The following KNL1 variants were observed in gnomAD, a reference collection of about 807,000 sequenced individuals.
The protein encoded by KNL1 is kinetochore scaffold 1.
In KNL1, 66 loss-of-function variants were observed where a neutral mutation model predicts 201.3. The observed-to-expected ratio is 0.33, with a 90% CI of 0.27 to 0.40. The LOEUF (loss-of-function observed/expected upper bound fraction) is 0.40, where lower values mean the gene tolerates loss of function less well. Among genes scored for constraint, KNL1 ranks in the 10% least tolerant of loss-of-function variants. The probability of loss-of-function intolerance (pLI) is 1.00; values close to 1 mark genes in which losing one functional copy is unlikely to be tolerated. For synonymous variants in KNL1, 895 were observed against 899.2 expected, an observed-to-expected ratio of 1.00 and a Z score of 0.08; for missense variants, 2,815 against 2,690.5, an observed-to-expected ratio of 1.05 and a Z score of -1.02.
chr15:40,641,671 C>T (rs1361013205), intron 14 of KNL1, among the ~76,000 whole-genome samples: 1 of 152,152 alleles, frequency 6.6e-6, no homozygotes, highest in Admixed American at 6.5e-5. Flanking sequence ...ATGAATTTCA[C>T]GTTTAGGCTT....
chr15:40,623,302 G>A lies in KNL1; in HGVS notation c.3038G>A (p.Ser1013Asn). 1.2e-6 allele frequency: 2 copies of A among 1,613,866 alleles called. No homozygotes were observed. Among genetic ancestry groups the A allele is most frequent in the Middle Eastern group, 1.6e-4 (1 of 6,062 alleles). The change falls in exon 10 of 26, where the codon AGC becomes AAC. Residue 1013 changes from serine (S) to asparagine (N), a missense_variant. Around this residue, in one of 3 missense-constraint regions of KNL1, gnomAD observed 2,464 missense variants for 2,291.7 expected, o/e 1.08. Transcript: ENST00000399668. Reference protein sequence around the residue: ...GESDRLVANDSQLTPLEEWSN... With the variant: ...GESDRLVANDNQLTPLEEWSN... ...AGTGACCGTCTAGTAGCAAATGACA[G>A]CCAGCTAACCCCTCTGGAGGAATGG...
intron 17 of KNL1, among the ~76,000 whole-genome samples, chr15:40,648,262 A>G (rs1180649805): frequency 6.6e-6 from 1 of 152,050 alleles, no homozygotes; most frequent in Non-Finnish European, 1.5e-5. Flanking sequence ...GTGAGGCACT[A>G]TCTCTACAAA....
chr15:40,602,736 C>T (rs1419366092), intron 1 of KNL1, among the ~76,000 whole-genome samples, 179 bp from the exon 2 acceptor site: 1 of 152,014 alleles, frequency 6.6e-6, no homozygotes, highest in Non-Finnish European at 1.5e-5. Context: ...CTGCCTGCCT[C>T]GGCCTCCCAA....
At chr15:40,653,242 G>A (rs1163149643) in intron 21 of KNL1, among the ~76,000 whole-genome samples, 1 of 151,942 alleles carries the variant, frequency 6.6e-6, no homozygotes, top group African/African-American at 2.4e-5. Context: ...AGGCTGAAGT[G>A]CAGTAGTGCA....
intron 17 of KNL1, among the ~76,000 whole-genome samples, chr15:40,647,771 A>G (rs1462560475): frequency 6.6e-6 from 1 of 152,188 alleles, no homozygotes; most frequent in Non-Finnish European, 1.5e-5. Flanking sequence ...CTCTTTCAGC[A>G]TTTGACACTG....
rs1332683853 is a variant in KNL1 at position 40,622,868 on chromosome 15, TA to T, written c.2606del (p.Lys869ArgfsTer12). Reference sequence around the variant, plus strand: ...AGACTATTGTATTTTCAGAAGACGATAAGAATGATATGGATATCACTAAGAG... The same window carrying T: ...AGACTATTGTATTTTCAGAAGACGATAGAATGATATGGATATCACTAAGAG... ...DKTIVFSEDD[K>X]NDMDITKSYT... On this transcript the variant is annotated frameshift_variant, in exon 10 of 26. Transcript: ENST00000399668. LOFTEE classifies it high-confidence loss of function. The T allele has an allele frequency of 6.2e-7, 1 of 1,613,328 alleles. No homozygotes were observed. The highest frequency in any genetic ancestry group is 1.7e-5 in the Admixed American group (1 of 59,956).
At position 40,622,358 on chromosome 15, in the gene KNL1, C is replaced by G. The variant is rs763785280; in HGVS notation, c.2094C>G (p.Thr698=). ...CATGGGAACAATCTTTGTTTTCTAC[C>G]ACAAAGCCATTATTTTCATCAGGAC... ...TVSWEQSLFS[T]TKPLFSSGQF... Residue 698 remains threonine, a synonymous_variant, in exon 10 of 26, where the codon ACC becomes ACG. Coordinates refer to ENST00000399668, the MANE Select transcript of KNL1 (RefSeq NM_144508.5). The G allele has an allele frequency of 6.2e-7, 1 of 1,613,696 alleles. No individual in the cohort carries two copies. The highest frequency in any genetic ancestry group is 2.2e-5 in the East Asian group (1 of 44,854).
rs368257573 is a variant in KNL1 at position 40,601,827 on chromosome 15, C to CAA, written c.-17-1074_-17-1073dup. On this transcript the variant is annotated intron_variant, in intron 1 of 25. Transcript: ENST00000399668. ...TGGGCGACAGAGCCAGACTCCGTCT[C>CAA]AAAAAAAAAAAAAAATTCCTTAAAA... 4.6e-3 allele frequency among the ~76,000 whole-genome samples: 301 copies of CAA among 64,794 alleles called. 2 individuals carry two copies. The highest frequency in any genetic ancestry group is 8.3e-3 in the East Asian group (14 of 1,684). The allele number at this position is 64,794 out of a possible 152,430, so 42.5% of individuals were successfully genotyped here.
intron 24 of KNL1, 63 bp from the exon 25 acceptor site, chr15:40,659,276 A>G (rs1893832370): frequency 6.6e-7 from 1 of 1,510,038 alleles, no homozygotes; most frequent in Non-Finnish European, 9.0e-7. Flanking sequence ...AAAAAAAAAA[A>G]AAGAAATTGT....
chr15:40,603,808 C>A (rs1891887301), intron 2 of KNL1, among the ~76,000 whole-genome samples: 1 of 152,184 alleles, frequency 6.6e-6, no homozygotes, highest in Non-Finnish European at 1.5e-5. Context: ...AGTAGCAGCT[C>A]AGAGGCAGTT....
Position 40,652,891 on chromosome 15 carries a change from G to A in KNL1, c.6415+786G>A, listed in dbSNP as rs1476771574. Among the ~76,000 whole-genome samples the A allele has an allele frequency of 2.0e-5, 3 of 152,094 alleles. No homozygotes were observed. The East Asian group carries it at 5.8e-4, about 29-fold the overall frequency. ...AATCACTATATGGTAACTGGACAGA[G>A]GCCCAGCTGTTTTGTTGGAGTTTAC... On this transcript the variant is annotated intron_variant, in intron 21 of 25. Coordinates refer to ENST00000399668, the MANE Select transcript of KNL1 (RefSeq NM_144508.5).
At chr15:40,630,439 A>G (rs1210011830) in intron 13 of KNL1, among the ~76,000 whole-genome samples, 1 of 152,244 alleles carries the variant, frequency 6.6e-6, no homozygotes, top group Non-Finnish European at 1.5e-5. Context: ...AAGAAACACA[A>G]TATCTTGTAG....
rs375431429 is a variant in KNL1, at chr15:40,625,109, T to C, written c.4845T>C (p.Ala1615=). ...ATATTAACATAATCTCCAGCAATGC[T>C]AAAGATAGTAGAGATGAGGAAAATA... ...IHNINIISSN[A]KDSRDEENKK... Residue 1615 remains alanine, a synonymous_variant, in exon 10 of 26, where the codon GCT becomes GCC. Coordinates refer to ENST00000399668, the MANE Select transcript of KNL1 (RefSeq NM_144508.5). The C allele has an allele frequency of 4.3e-6, 7 of 1,613,866 alleles. No homozygotes were observed. In the African/African-American group the frequency reaches 8.0e-5, roughly 18 times the overall value.
In KNL1 at chr15:40,623,265, G is replaced by A; in HGVS notation, c.3001G>A (p.Gly1001Arg). 6.2e-7 allele frequency: 1 copy of A among 1,613,844 alleles called. No homozygotes were observed. The highest frequency in any genetic ancestry group is 8.5e-7 in the Non-Finnish European group (1 of 1,179,852). ...TACTGAGGAGAGTGTTTTCTTTCCA[G>A]GAAATGGTGAAAGTGACCGTCTAGT... ...TPTEESVFFP[G>R]NGESDRLVAN... The change falls in exon 10 of 26, where the codon GGA (glycine) becomes AGA (arginine). Residue 1001 changes from glycine to arginine, a missense_variant. Transcript: ENST00000399668.
chr15:40,618,537 AAGT>A (rs1555420042), intron 8 of KNL1, among the ~76,000 whole-genome samples: 1 of 152,110 alleles, frequency 6.6e-6, no homozygotes, highest in Non-Finnish European at 1.5e-5. Context: ...TAATAATAAT[AAGT>A]AGTAGTCCAA....
intron 14 of KNL1, among the ~76,000 whole-genome samples, chr15:40,642,547 A>C (rs1209421088): frequency 6.6e-6 from 1 of 152,226 alleles, no homozygotes; most frequent in African/African-American, 2.4e-5. Flanking sequence ...TCGCTGAACA[A>C]AACTGGCAAA....
In KNL1 at chr15:40,624,481, A is replaced by G. The variant is rs1233030050; in HGVS notation, c.4217A>G (p.Tyr1406Cys). Reference protein sequence around the residue: ...RNLLANQTLVYSQDLGEMTKL... With the variant: ...RNLLANQTLVCSQDLGEMTKL... ...CTATTGGCTAATCAAACTTTAGTATATAGTCAAGATCTGGGGGAGATGACT... is the reference window on the plus strand; with the variant it reads ...CTATTGGCTAATCAAACTTTAGTATGTAGTCAAGATCTGGGGGAGATGACT... The change falls in exon 10 of 26, where the codon TAT becomes TGT. Residue 1406 changes from tyrosine to cysteine, a missense_variant. Physicochemically the swap from Tyr to Cys is radical, Grantham distance 194. Transcript: ENST00000399668. 1 of 1,613,684 alleles carries G rather than the reference A, an allele frequency of 6.2e-7. No individual in the cohort carries two copies. The highest frequency in any genetic ancestry group is 1.3e-5 in the African/African-American group (1 of 74,938).
At chr15:40,595,592 A>C (rs185992018) in intron 1 of KNL1, among the ~76,000 whole-genome samples, 1 of 152,302 alleles carries the variant, frequency 6.6e-6, no homozygotes, top group Admixed American at 6.5e-5. Context: ...GTTCGATGTT[A>C]AATAATAGAC....
At chr15:40,618,162 A>C (rs1892405426) in intron 8 of KNL1, among the ~76,000 whole-genome samples, 2 of 151,862 alleles carry the variant, frequency 1.3e-5, no homozygotes, top group Non-Finnish European at 2.9e-5. Context: ...TTATTTACAA[A>C]GTCTGATTTG....
Sources: gnomAD v4.1 joint callset for allele counts (sites outside exome capture counted in the v4.1 genomes callset) on GRCh38, gnomAD v4.1.1 for gene constraint, gnomAD v4.1.1 regional missense constraint, MANE v1.5 for transcripts, NCBI Gene and HGNC (gene_info 2026-07-23, HGNC 2026-07-21) for gene names.